AGPS: variants seen among roughly 807,000 people sequenced by gnomAD.
The protein encoded by AGPS is alkylglycerone phosphate synthase, also known as alkyldihydroxyacetonephosphate synthase, peroxisomal.
Under a neutral mutation model 90.7 loss-of-function variants are expected in AGPS, and 26 were observed. The observed-to-expected ratio is 0.29, with a 90% CI of 0.21 to 0.40. The LOEUF (loss-of-function observed/expected upper bound fraction) is 0.40, where lower values mean the gene tolerates loss of function less well. Ranked by LOEUF, AGPS falls within the 10% of genes least tolerant of loss-of-function variation. The probability of loss-of-function intolerance (pLI) is 1.00; values close to 1 mark genes in which losing one functional copy is unlikely to be tolerated. For synonymous variants in AGPS, 294 were observed against 285.3 expected (o/e 1.03, Z -0.31); for missense variants, 540 against 816.1 (o/e 0.66, Z 4.12).
chr2:177,470,357 C>G (rs1455766843), intron 10 of AGPS, among the ~76,000 whole-genome samples: 1 of 152,084 alleles, frequency 6.6e-6, no homozygotes, highest in Non-Finnish European at 1.5e-5. Flanking sequence ...TAGTCACTAA[C>G]TGTATGAATT....
At chr2:177,426,909 C>G (rs1686098221) in intron 2 of AGPS, among the ~76,000 whole-genome samples, 1 of 152,068 alleles carries the variant, frequency 6.6e-6, no homozygotes, top group African/African-American at 2.4e-5. Flanking sequence ...AGCAGTCCCT[C>G]CTTTTCAATT....
At chr2:177,429,406 T>G (rs1008906359) in intron 2 of AGPS, among the ~76,000 whole-genome samples, 3 of 152,170 alleles carry the variant, frequency 2.0e-5, no homozygotes, top group African/African-American at 7.2e-5. Flanking sequence ...CTTTTTGAGT[T>G]TTCAGTATTT....
rs1338023211 is a variant in AGPS at position 177,499,683 on chromosome 2, G to A, written c.1428G>A (p.Lys476=). Residue 476 remains lysine (K), a synonymous_variant, in exon 14 of 20, where the codon AAG becomes AAA. Transcript: ENST00000264167. ...TACTGTTTGAGGGGGATCGTGAGAA[G>A]GTTCTTCAACATGAAAAACAAGTGT... The part of the protein sequence containing the change: ...ATLLFEGDRE[K]VLQHEKQVYD... 3 of 1,612,034 alleles carry A rather than the reference G, an allele frequency of 1.9e-6. No homozygotes were observed. Among genetic ancestry groups the A allele is most frequent in the East Asian group, 2.2e-5 (1 of 44,746 alleles).
chr2:177,416,808 T>C (rs1265675493), intron 1 of AGPS, among the ~76,000 whole-genome samples: 3 of 152,076 alleles, frequency 2.0e-5, no homozygotes, highest in Non-Finnish European at 4.4e-5. Context: ...GGATTACAGG[T>C]GTGAGCCACT....
intron 19 of AGPS, among the ~76,000 whole-genome samples, chr2:177,533,331 G>C (rs979752958): frequency 6.6e-5 from 10 of 152,170 alleles, no homozygotes; most frequent in Non-Finnish European, 1.5e-4. Flanking sequence ...AAACAGATTT[G>C]AGAGCTGACA....
At chr2:177,456,488 C>A (rs551220814) in intron 8 of AGPS, among the ~76,000 whole-genome samples, 2 of 152,184 alleles carry the variant, frequency 1.3e-5, no homozygotes, top group East Asian at 3.9e-4. Context: ...AAGAAAAAAC[C>A]CAGGTTTTCA....
Position 177,539,829 on chromosome 2 carries a change from A to G in AGPS, c.*1634A>G, listed in dbSNP as rs2079216509. 6.6e-6 allele frequency: 1 copy of G among 151,782 alleles called. No homozygotes were observed. Among genetic ancestry groups the G allele is most frequent in the African/African-American group, 2.4e-5 (1 of 41,384 alleles). The allele number at this position is 151,782 out of a possible 1,614,324, so 9.4% of individuals were successfully genotyped here. Reference sequence around the variant, plus strand: ...TATTTTTTAGAAGCTGCCTCTCTTCATTGGTCATTTATTTTTAATTATAAA... The same window carrying G: ...TATTTTTTAGAAGCTGCCTCTCTTCGTTGGTCATTTATTTTTAATTATAAA... On this transcript the variant is annotated 3_prime_UTR_variant, in exon 20 of 20. Coordinates refer to ENST00000264167, the MANE Select transcript of AGPS (RefSeq NM_003659.4).
chr2:177,437,432 T>C (rs1686448336), intron 5 of AGPS, among the ~76,000 whole-genome samples: 1 of 152,166 alleles, frequency 6.6e-6, no homozygotes, highest in African/African-American at 2.4e-5. Context: ...TTTGTTGATA[T>C]CAGCTTGTGA....
At chr2:177,429,902 C>T (rs1686189273) in intron 2 of AGPS, among the ~76,000 whole-genome samples, 1 of 152,222 alleles carries the variant, frequency 6.6e-6, no homozygotes. Context: ...GCTGAGTCAA[C>T]TGAACTGCAG....
intron 12 of AGPS, among the ~76,000 whole-genome samples, chr2:177,495,221 T>A (rs1688377977): frequency 6.6e-6 from 1 of 152,232 alleles, no homozygotes; most frequent in South Asian, 2.1e-4. Context: ...ACTTATCACG[T>A]AATAGGCATT....
intron 19 of AGPS, among the ~76,000 whole-genome samples, chr2:177,528,433 C>T (rs188405348): frequency 6.6e-6 from 1 of 152,342 alleles, no homozygotes. Context: ...CATTGGCCTT[C>T]TTGCTATTCC....
At chr2:177,414,519 A>C (rs2105602425) in intron 1 of AGPS, among the ~76,000 whole-genome samples, 1 of 152,272 alleles carries the variant, frequency 6.6e-6, no homozygotes, top group East Asian at 1.9e-4. Flanking sequence ...AGTTTTTTAG[A>C]GTGCTAGTTT....
At chr2:177,521,155 A>G in intron 17 of AGPS, 114 bp from the exon 18 acceptor site, 4 of 941,248 alleles carry the variant, frequency 4.2e-6, no homozygotes, top group Non-Finnish European at 6.8e-6. Context: ...CTGGGAAGAA[A>G]CTGAGATTAT....
chr2:177,479,794 T>C lies in AGPS; in HGVS notation c.1106-2265T>C, dbSNP rs114733419. On this transcript the variant is annotated intron_variant, in intron 10 of 19. Coordinates refer to ENST00000264167, the MANE Select transcript of AGPS (RefSeq NM_003659.4). ...GGGAGTAGAAATGGAGAGGGTTTGT[T>C]TAGTGGATATGGTTTCTTTTTTGGG... Among the ~76,000 whole-genome samples the C allele has an allele frequency of 6.8e-3, 1,032 of 152,280 alleles. 11 individuals are homozygous for C. Among genetic ancestry groups the C allele is most frequent in the African/African-American group, 0.024 (980 of 41,538 alleles).
intron 3 of AGPS, among the ~76,000 whole-genome samples, chr2:177,435,633 T>C (rs1253312455): frequency 6.6e-6 from 1 of 152,166 alleles, no homozygotes; most frequent in Non-Finnish European, 1.5e-5. Flanking sequence ...GGCTAGCTTA[T>C]AGCAGCCACT....
chr2:177,446,859 T>A (rs184160904), intron 8 of AGPS, among the ~76,000 whole-genome samples: 14 of 152,298 alleles, frequency 9.2e-5, no homozygotes, highest in African/African-American at 2.9e-4. Context: ...AGTGTGCAAT[T>A]TCATTGACAA....
At chr2:177,458,594 A>T (rs1414288302) in intron 8 of AGPS, among the ~76,000 whole-genome samples, 1 of 152,196 alleles carries the variant, frequency 6.6e-6, no homozygotes, top group Non-Finnish European at 1.5e-5. Flanking sequence ...AGAGAATAAA[A>T]TACCTAGGAA....
chr2:177,419,663 A>G (rs544530416), intron 1 of AGPS, among the ~76,000 whole-genome samples: 1 of 151,912 alleles, frequency 6.6e-6, no homozygotes, highest in Non-Finnish European at 1.5e-5. Flanking sequence ...TAAAAATAGC[A>G]TGTTATTTTG....
rs1386710394 is a variant in AGPS, at chr2:177,539,389, G to A, written c.*1194G>A. On this transcript the variant is annotated 3_prime_UTR_variant, in exon 20 of 20. Coordinates refer to ENST00000264167, the MANE Select transcript of AGPS (RefSeq NM_003659.4). ...TGAGAACATTAATCACATTTAGCAA[G>A]CATTTGTACATTCAAACCTGGATAT... 8 of 152,004 alleles carry A rather than the reference G, an allele frequency of 5.3e-5. No individual in the cohort carries two copies. Among genetic ancestry groups the A allele is most frequent in the African/African-American group, 1.9e-4 (8 of 41,508 alleles). The allele number at this position is 152,004 out of a possible 1,614,324, so 9.4% of individuals were successfully genotyped here. A position where few individuals can be genotyped will look rare whatever the true frequency, so the allele number is the denominator to read the frequency against.
Sources: gnomAD v4.1 joint callset for allele counts (sites outside exome capture counted in the v4.1 genomes callset) on GRCh38, gnomAD v4.1.1 for gene constraint, MANE v1.5 for transcripts, NCBI Gene and HGNC (gene_info 2026-07-23, HGNC 2026-07-21) for gene names.